The following BST1 variants were observed in gnomAD, a reference collection of about 807,000 sequenced individuals.
BST1 encodes ADP-ribosyl cyclase/cyclic ADP-ribose hydrolase 2.
A neutral mutation model predicts 40.6 loss-of-function variants in BST1; 49 were observed. The observed-to-expected ratio is 1.21, with a 90% CI of 0.96 to 1.53. BST1 has a LOEUF of 1.53. Ranked by LOEUF, BST1 falls within the 40% of genes most tolerant of loss-of-function variation. The pLI is 0.00. For synonymous variants in BST1, 157 were observed against 159.3 expected, an observed-to-expected ratio of 0.99 and a Z score of 0.11; for missense variants, 423 against 395.9, an observed-to-expected ratio of 1.07 and a Z score of -0.58.
rs1400785641 is a variant in BST1, at chr4:15,704,917, C to T, written c.189-598C>T. 4 of 773,620 alleles carry T rather than the reference C, an allele frequency of 5.2e-6. No homozygotes were observed. In the South Asian group the frequency reaches 5.4e-5, roughly 11 times the overall value. The allele number at this position is 773,620 out of a possible 1,614,324, so 47.9% of individuals were successfully genotyped here. A position where few individuals can be genotyped will look rare whatever the true frequency, so the allele number is the denominator to read the frequency against. On this transcript the variant is annotated intron_variant, in intron 1 of 8. Transcript: ENST00000265016. The stretch of plus-strand genomic sequence containing the variant: ...TGATCATTTTTATTGTCGCACATTT[C>T]AGGCAAATAAGAAACAGCAGAGAAC...
the BST1 span, among the ~76,000 whole-genome samples, chr4:15,771,848 C>CTCTA: frequency 1.3e-5 from 2 of 152,226 alleles, no homozygotes; most frequent in East Asian, 3.8e-4. Context: ...GTTAAGTAAA[C>CTCTA]TCTAGCATAC....
At chr4:15,754,130 A>C in the BST1 span, among the ~76,000 whole-genome samples, 1 of 152,150 alleles carries the variant, frequency 6.6e-6, no homozygotes, top group African/African-American at 2.4e-5. Context: ...TGGAGATTGA[A>C]AAGAGAGGAA....
rs779824817 is a variant in BST1 at position 15,718,918 on chromosome 4, G to A, written c.716G>A (p.Gly239Glu). The A allele has an allele frequency of 1.2e-6, 2 of 1,613,964 alleles. No individual in the cohort carries two copies. Among genetic ancestry groups the A allele is most frequent in the Admixed American group, 1.7e-5 (1 of 60,000 alleles). The change falls in exon 7 of 9, where the codon GGG becomes GAG. Residue 239 changes from glycine (G) to glutamate (E), a missense_variant. By Grantham distance (98) the Gly-to-Glu change is moderately conservative (BLOSUM62 -2). Coordinates refer to ENST00000265016, the MANE Select transcript of BST1 (RefSeq NM_004334.3). ...EIGGPNVESCGEGSMKVLEKR... is the reference protein window; with the variant it reads ...EIGGPNVESCEEGSMKVLEKR... ...TTTTCATGTTTTAGGGAATCCTGCG[G>A]GGAAGGCAGCATGAAAGTCCTGGAA...
Position 15,731,936 on chromosome 4 carries a change from T to C in BST1, c.*91T>C. 1.4e-6 allele frequency: 2 copies of C among 1,422,352 alleles called. No homozygotes were observed. The highest frequency in any genetic ancestry group is 1.9e-6 in the Non-Finnish European group (2 of 1,080,266). The allele number at this position is 1,422,352 out of a possible 1,614,324, so 88.1% of individuals were successfully genotyped here. A position where few individuals can be genotyped will look rare whatever the true frequency, so the allele number is the denominator to read the frequency against. The stretch of plus-strand genomic sequence containing the variant: ...TTCTGTGTATACCAAATGATTCTGT[T>C]ATCTAAAGAAGCTTTTTGCTGGGAA... On this transcript the variant is annotated 3_prime_UTR_variant, in exon 9 of 9. Transcript: ENST00000265016.
intron 1 of BST1, among the ~76,000 whole-genome samples, 173 bp downstream of exon 1, chr4:15,703,505 G>C (rs1418986366): frequency 6.6e-6 from 1 of 151,656 alleles, no homozygotes; most frequent in East Asian, 1.9e-4. Flanking sequence ...CGAGTGAGGA[G>C]GGGGCTGTGA....
intron 6 of BST1, among the ~76,000 whole-genome samples, chr4:15,716,519 T>C (rs973973819): frequency 2.6e-5 from 4 of 152,150 alleles, no homozygotes; most frequent in African/African-American, 7.2e-5. Context: ...GCAGGTCCCA[T>C]TGAAAGTGTT....
chr4:15,724,598 A>C (rs560417859), intron 8 of BST1, among the ~76,000 whole-genome samples: 1 of 152,262 alleles, frequency 6.6e-6, no homozygotes, highest in African/African-American at 2.4e-5. Flanking sequence ...AGGCAGGAGA[A>C]TCACTTGAAC....
At chr4:15,704,408 G>A (rs1444181698) in intron 1 of BST1, among the ~76,000 whole-genome samples, 1 of 150,620 alleles carries the variant, frequency 6.6e-6, no homozygotes, top group African/African-American at 2.4e-5. Flanking sequence ...GGATGTGTGT[G>A]TGTGTGTGTT....
At chr4:15,706,082 G>T (rs1577565811) in intron 2 of BST1, among the ~76,000 whole-genome samples, 1 of 152,230 alleles carries the variant, frequency 6.6e-6, no homozygotes. Context: ...GAGAACAGCA[G>T]CAAAGGGGGA....
chr4:15,731,168 C>T (rs10516291), intron 8 of BST1: 34,578 of 406,484 alleles, frequency 0.085, 3,695 homozygotes, highest in East Asian at 0.52. Context: ...AAATTGATTA[C>T]GGACTTCATC....
chr4:15,707,564 C>A lies in BST1; in HGVS notation c.369C>A (p.Thr123=). 2 of 1,614,008 alleles carry A rather than the reference C, an allele frequency of 1.2e-6. No homozygotes were observed. The highest frequency in any genetic ancestry group is 1.7e-6 in the Non-Finnish European group (2 of 1,180,002). Residue 123 remains threonine (T), a synonymous_variant, in exon 3 of 9, where the codon ACC becomes ACA. Coordinates refer to ENST00000265016, the MANE Select transcript of BST1 (RefSeq NM_004334.3). ...TTGTTAACAGCTTTGCAGACAACAC[C>A]CGTCGTTTTATGCCCCTGAGCGATG... The part of the protein sequence containing the change: ...HLLVNSFADN[T]RRFMPLSDVL...
At chr4:15,764,283 T>C in the BST1 span, among the ~76,000 whole-genome samples, 1 of 152,066 alleles carries the variant, frequency 6.6e-6, no homozygotes, top group Non-Finnish European at 1.5e-5. Flanking sequence ...CAATGAATTA[T>C]ATTTGGGGCT....
chr4:15,739,201 C>G (rs1721674553), downstream of BST1, among the ~76,000 whole-genome samples: 1 of 152,184 alleles, frequency 6.6e-6, no homozygotes, highest in Admixed American at 6.5e-5. Context: ...ACATGCATAA[C>G]CAATGAAGCA....
intron 4 of BST1, among the ~76,000 whole-genome samples, chr4:15,713,864 C>A (rs1720360183): frequency 6.6e-6 from 1 of 152,018 alleles, no homozygotes; most frequent in African/African-American, 2.4e-5. Context: ...TCACCATGCC[C>A]AACTAATTTT....
the BST1 span, among the ~76,000 whole-genome samples, chr4:15,767,164 G>A: frequency 5.3e-5 from 8 of 152,244 alleles, no homozygotes; most frequent in Admixed American, 2.6e-4. Context: ...GGCAAGGAGC[G>A]GATAACCCTG....
the BST1 span, among the ~76,000 whole-genome samples, chr4:15,768,198 G>A: frequency 2.0e-5 from 3 of 152,220 alleles, no homozygotes; most frequent in Non-Finnish European, 2.9e-5. Context: ...AAGAGCAGCG[G>A]TTCCGATTCT....
the BST1 span, among the ~76,000 whole-genome samples, chr4:15,764,923 T>C: frequency 1.4e-5 from 2 of 137,982 alleles, no homozygotes; most frequent in Non-Finnish European, 3.2e-5. Context: ...AAAGCATGAA[T>C]TCCAGAGCCC....
downstream of BST1, among the ~76,000 whole-genome samples, chr4:15,740,709 G>A (rs1383018898): frequency 2.0e-5 from 3 of 152,050 alleles, no homozygotes; most frequent in Non-Finnish European, 4.4e-5. Flanking sequence ...AAAATAAAAT[G>A]TAATTTTATT....
chr4:15,747,612 G>A, the BST1 span, among the ~76,000 whole-genome samples: 3 of 152,160 alleles, frequency 2.0e-5, no homozygotes, highest in Non-Finnish European at 2.9e-5. Context: ...TTTGGAGTAA[G>A]CTTATCTCCC....
Sources: gnomAD v4.1 joint callset for allele counts (sites outside exome capture counted in the v4.1 genomes callset) on GRCh38, gnomAD v4.1.1 for gene constraint, MANE v1.5 for transcripts, NCBI Gene and HGNC (gene_info 2026-07-23, HGNC 2026-07-21) for gene names.